Variants in MVP observed in about 807,000 individuals in gnomAD.
MVP encodes major vault protein, also known as lung resistance-related protein.
Under a neutral mutation model 83.5 loss-of-function variants are expected in MVP, and 62 were observed. The ratio of observed to expected loss-of-function variants is 0.74; its 90% CI spans 0.61 to 0.92. MVP has a LOEUF of 0.92. Ranked by LOEUF, MVP falls within the 40% of genes least tolerant of loss-of-function variation. The pLI, the probability that MVP is intolerant of heterozygous loss-of-function variation, is 0.00. For synonymous variants in MVP, 505 were observed against 504.1 expected, an observed-to-expected ratio of 1.00 and a Z score of -0.02; for missense variants, 1,000 against 1,203.4, an observed-to-expected ratio of 0.83 and a Z score of 2.50.
intron 1 of MVP, among the ~76,000 whole-genome samples, chr16:29,827,896 C>T (rs2067415278): frequency 2.6e-5 from 4 of 152,168 alleles, no homozygotes; most frequent in South Asian, 2.1e-4. Flanking sequence ...GCCTGGGCAA[C>T]AGAACAAGAC....
In MVP at chr16:29,825,443, CTG is replaced by C. The variant is rs1448850063; in HGVS notation, c.-36+4934_-36+4935del. On this transcript the variant is annotated intron_variant, in intron 1 of 14. Coordinates refer to ENST00000357402, the MANE Select transcript of MVP (RefSeq NM_005115.5). ...GGAAGGAAACCACAAAAAACTCAATCTGAGACTTGTCACCAATGTGCTGCCTG... is the reference window on the plus strand; with the variant it reads ...GGAAGGAAACCACAAAAAACTCAATCAGACTTGTCACCAATGTGCTGCCTG... Among the ~76,000 whole-genome samples the C allele has an allele frequency of 3.9e-5, 6 of 152,354 alleles. No homozygotes were observed. The East Asian group carries it at 1.2e-3, about 29-fold the overall frequency.
Position 29,841,717 on chromosome 16 carries a change from G to A in MVP, c.1313G>A (p.Gly438Asp). The change falls in exon 9 of 15, where the codon GGT (glycine) becomes GAT (aspartate). Residue 438 changes from glycine to aspartate, a missense_variant. Physicochemically the swap from Gly to Asp is moderately conservative, Grantham distance 94. Transcript: ENST00000357402. The surrounding 1 kb of genome is among the most constrained non-coding windows in gnomAD (Gnocchi z 4.7). ...GGGCAGGACCCTCTGGCAGACAGGG[G>A]TGAGAAGGACACAGCTAAGAGCCTC... ...NKGQDPLADR[G>D]EKDTAKSLQP... 1 of 1,612,886 alleles carries A rather than the reference G, an allele frequency of 6.2e-7. No homozygotes were observed. Among genetic ancestry groups the A allele is most frequent in the Non-Finnish European group, 8.5e-7 (1 of 1,179,662 alleles).
At position 29,824,536 on chromosome 16, in the gene MVP, A is replaced by G. The variant is rs539901337; in HGVS notation, c.-36+4026A>G. ...TCCTAGCACTTTGGGAGGCTGAGGC[A>G]GGCAGATTGCCTGAGCTCAGGAGTT... On this transcript the variant is annotated intron_variant, in intron 1 of 14. Transcript: ENST00000357402. Among the ~76,000 whole-genome samples, 4 of 152,316 alleles carry G rather than the reference A, an allele frequency of 2.6e-5. No individual in the cohort carries two copies. In the East Asian group the frequency reaches 7.7e-4, roughly 29 times the overall value.
chr16:29,843,972 A>G (rs1567395615), intron 10 of MVP, among the ~76,000 whole-genome samples: 2 of 152,010 alleles, frequency 1.3e-5, no homozygotes, highest in African/African-American at 2.4e-5. Flanking sequence ...TGATGGCGGC[A>G]GACAGCTGCC....
In MVP at chr16:29,837,063, CCTT is replaced by C. The variant is rs1267054719; in HGVS notation, c.909+108_909+110del. 5 of 1,015,402 alleles carry C rather than the reference CCTT, an allele frequency of 4.9e-6. No individual in the cohort carries two copies. The South Asian group carries it at 5.0e-5, about 10-fold the overall frequency. 62.9% of individuals were successfully genotyped at this position (1,015,402 alleles called of 1,614,324 possible). A position where few individuals can be genotyped will look rare whatever the true frequency, so the allele number is the denominator to read the frequency against. Reference sequence around the variant, plus strand: ...CCTCCAGACGCACGTTCTAGGAACACCTTCTGTGCCTTTGCATGCTTAGTTCTT... The same window carrying C: ...CCTCCAGACGCACGTTCTAGGAACACCTGTGCCTTTGCATGCTTAGTTCTT... On this transcript the variant is annotated intron_variant, in intron 7 of 14. Coordinates refer to ENST00000357402, the MANE Select transcript of MVP (RefSeq NM_005115.5).
Position 29,844,899 on chromosome 16 carries a change from C to T in MVP, c.2021+20C>T, listed in dbSNP as rs560768301. 5.0e-5 allele frequency: 80 copies of T among 1,586,198 alleles called. No homozygotes were observed. In the East Asian group the frequency reaches 1.6e-3, roughly 32 times the overall value. Reference sequence around the variant, plus strand: ...GGCCAAGTAAGTGAGGCTGGGAGCTCGGCTGCCTATAATGCCCATGGCAGG... The same window carrying T: ...GGCCAAGTAAGTGAGGCTGGGAGCTTGGCTGCCTATAATGCCCATGGCAGG... On this transcript the variant is annotated intron_variant, in intron 11 of 14. Transcript: ENST00000357402.
At chr16:29,828,400 A>T (rs1470286466) in intron 1 of MVP, among the ~76,000 whole-genome samples, 1 of 151,448 alleles carries the variant, frequency 6.6e-6, no homozygotes, top group African/African-American at 2.4e-5. Flanking sequence ...TGGTTTTGAG[A>T]TTGGAGTCTC....
In MVP at chr16:29,833,862, T is replaced by C. The variant is rs759390512; in HGVS notation, c.445+6T>C. ...GTGGCTTTTCGAGGGACCTGGTAAG[T>C]TCTGTCTCCATAGGGCTCCCTGCCT... On this transcript the variant is annotated splice_donor_region_variant and intron_variant, in intron 4 of 14. Transcript: ENST00000357402. 2 of 1,614,024 alleles carry C rather than the reference T, an allele frequency of 1.2e-6. No individual in the cohort carries two copies. Among genetic ancestry groups the C allele is most frequent in the South Asian group, 2.2e-5 (2 of 91,080 alleles).
chr16:29,845,088 T>C (rs536042557), intron 11 of MVP, among the ~76,000 whole-genome samples: 15 of 151,542 alleles, frequency 9.9e-5, no homozygotes, highest in African/African-American at 3.6e-4. Flanking sequence ...TGTGAGAGGC[T>C]GAGGCAGGAA....
At position 29,846,493 on chromosome 16, in the gene MVP, G is replaced by A. The variant is rs533996764; in HGVS notation, c.2265+209G>A. 5.4e-4 allele frequency among the ~76,000 whole-genome samples: 83 copies of A among 152,320 alleles called. No homozygotes were observed. The South Asian group carries it at 5.6e-3, about 10-fold the overall frequency. On this transcript the variant is annotated intron_variant, in intron 13 of 14. Transcript: ENST00000357402. ...TAGAACACCCATTTTGCAGCTGGGC[G>A]CTCATGCACTGGCCACCTTGGCACA...
At chr16:29,844,000 G>A (rs779691465) in intron 10 of MVP, among the ~76,000 whole-genome samples, 1 of 152,220 alleles carries the variant, frequency 6.6e-6, no homozygotes, top group Admixed American at 6.5e-5. Flanking sequence ...TCCCAGGGCT[G>A]CCGACATATT....
At chr16:29,847,688 G>T in intron 14 of MVP, 74 bp from the exon 15 acceptor site, 1 of 1,438,154 alleles carries the variant, frequency 7.0e-7, no homozygotes, top group South Asian at 1.1e-5. Flanking sequence ...CAAACCAGCT[G>T]ACTTAAGGAG....
intron 7 of MVP, among the ~76,000 whole-genome samples, chr16:29,839,721 C>T (rs1231408381): frequency 1.5e-4 from 19 of 130,554 alleles, no homozygotes. Flanking sequence ...AAGGTTGAGG[C>T]TGCAGAGAGC....
chr16:29,831,797 G>A (rs1385539725), intron 3 of MVP: 4 of 447,226 alleles, frequency 8.9e-6, no homozygotes, highest in Non-Finnish European at 1.8e-5. Context: ...TCTAGGAGAA[G>A]CCATCACAGG....
At chr16:29,837,899 T>C (rs981187354) in intron 7 of MVP, among the ~76,000 whole-genome samples, 1 of 152,164 alleles carries the variant, frequency 6.6e-6, no homozygotes, top group Non-Finnish European at 1.5e-5. Context: ...AACCTCTTGG[T>C]TTACCCTCTC....
At position 29,834,138 on chromosome 16, in the gene MVP, T is replaced by C. The variant is rs551902562; in HGVS notation, c.577+72T>C. The C allele has an allele frequency of 3.6e-5, 56 of 1,566,304 alleles. No homozygotes were observed. The South Asian group carries it at 6.3e-4, about 18-fold the overall frequency. ...CCACTGCAGGGGAAGCAGGGGAAGG[T>C]TGAGGAAAGCCTCCTGTAGCCCCAG... On this transcript the variant is annotated intron_variant, in intron 5 of 14. Coordinates refer to ENST00000357402, the MANE Select transcript of MVP (RefSeq NM_005115.5).
chr16:29,824,967 C>T (rs1055875793), intron 1 of MVP, among the ~76,000 whole-genome samples: 6 of 151,460 alleles, frequency 4.0e-5, no homozygotes, highest in African/African-American at 1.5e-4. Context: ...GTCTTGAACT[C>T]CTGGCCTCAA....
chr16:29,840,346 C>A lies in MVP; in HGVS notation c.1078C>A (p.Arg360Ser), dbSNP rs150899988. 6.2e-7 allele frequency: 1 copy of A among 1,608,920 alleles called. No homozygotes were observed. Among genetic ancestry groups the A allele is most frequent in the Non-Finnish European group, 8.5e-7 (1 of 1,178,032 alleles). Residue 360 changes from arginine (R) to serine (S), a missense_variant, in exon 8 of 15, where the codon CGC (arginine) becomes AGC (serine). By Grantham distance (110) the Arg-to-Ser change is moderately radical (BLOSUM62 -1). Transcript: ENST00000357402. ...CCAGGCTGGGGACCACTGGCTCATC[C>A]GCGGACCCCTGGAGTATGTGCCATC... ...SHQAGDHWLI[R>S]GPLEYVPSAK...
Position 29,841,909 on chromosome 16 carries a change from C to G in MVP, c.1437-6C>G. On this transcript the variant is annotated splice_region_variant and splice_polypyrimidine_tract_variant and intron_variant, in intron 9 of 14. Coordinates refer to ENST00000357402, the MANE Select transcript of MVP (RefSeq NM_005115.5). This position sits in a 1 kb window ranked among gnomAD's most constrained non-coding sequence, Gnocchi z 4.7. ...GTCTGGCTCTGACCCTCGGCTGTCT[C>G]TGCAGCGTGGTCTTCGGGCCTGAGC... is the stretch of plus-strand genomic sequence containing the variant. The G allele has an allele frequency of 6.2e-7, 1 of 1,611,880 alleles. No homozygotes were observed. The highest frequency in any genetic ancestry group is 8.5e-7 in the Non-Finnish European group (1 of 1,180,006).
Sources: gnomAD v4.1 joint callset for allele counts (sites outside exome capture counted in the v4.1 genomes callset) on GRCh38, gnomAD v4.1.1 for gene constraint, Gnocchi (gnomAD v3.1) non-coding constraint, MANE v1.5 for transcripts, NCBI Gene and HGNC (gene_info 2026-07-23, HGNC 2026-07-21) for gene names.